Variants in ATF7IP2 observed in about 807,000 individuals in gnomAD.
The protein encoded by ATF7IP2 is activating transcription factor 7-interacting protein 2.
Under a neutral mutation model 64.2 loss-of-function variants are expected in ATF7IP2, and 42 were observed. The ratio of observed to expected loss-of-function variants is 0.65; its 90% CI spans 0.51 to 0.85. The LOEUF is 0.85. Among genes scored for constraint, ATF7IP2 ranks in the 40% least tolerant of loss-of-function variants. The probability of loss-of-function intolerance (pLI) is 0.00; values close to 1 mark genes in which losing one functional copy is unlikely to be tolerated. For missense variants in ATF7IP2, 933 were observed against 784.2 expected (o/e 1.19, Z -2.27); for synonymous variants, 308 against 272.8 (o/e 1.13, Z -1.27).
chr16:10,430,480 A>G, intron 4 of ATF7IP2, 131 bp from the exon 5 acceptor site: 1 of 580,986 alleles, frequency 1.7e-6, no homozygotes, highest in African/African-American at 1.9e-5. Context: ...ATTTTCAGTA[A>G]GGTGATTATC....
chr16:10,465,456 A>G (rs1472499868), intron 9 of ATF7IP2, among the ~76,000 whole-genome samples: 1 of 151,972 alleles, frequency 6.6e-6, no homozygotes, highest in Non-Finnish European at 1.5e-5. Context: ...GTTCATTAAA[A>G]AAGAGCTGGG....
intron 8 of ATF7IP2, among the ~76,000 whole-genome samples, chr16:10,441,337 C>T (rs1398296960): frequency 6.6e-6 from 1 of 152,162 alleles, no homozygotes; most frequent in African/African-American, 2.4e-5. Flanking sequence ...CACTGTCTTC[C>T]ACAATGGTTG....
intron 1 of ATF7IP2, among the ~76,000 whole-genome samples, chr16:10,405,597 C>T (rs912051505): frequency 6.6e-6 from 1 of 152,130 alleles, no homozygotes; most frequent in South Asian, 2.1e-4. Context: ...TGGACAAAGG[C>T]CCAAGGAACA....
intron 4 of ATF7IP2, 78 bp downstream of exon 4, chr16:10,429,094 C>T (rs1276154982): frequency 6.6e-6 from 1 of 152,142 alleles, no homozygotes; most frequent in East Asian, 1.9e-4. Context: ...AAAACTGTAG[C>T]AGTGTCTTCA....
At chr16:10,405,474 C>T (rs7184236) in intron 1 of ATF7IP2, among the ~76,000 whole-genome samples, 86,180 of 152,028 alleles carry the variant, frequency 0.57, 24,474 homozygotes, top group East Asian at 0.68. Context: ...GTTTTGTAAG[C>T]CCCCCACCAT....
At chr16:10,414,756 A>G (rs2047838336) in intron 2 of ATF7IP2, 144 bp downstream of exon 2, 1 of 151,912 alleles carries the variant, frequency 6.6e-6, no homozygotes, top group African/African-American at 2.4e-5. Context: ...AGGCTCTGTC[A>G]GAGGAAAGGT....
At chr16:10,450,267 G>A (rs945810258) in intron 8 of ATF7IP2, among the ~76,000 whole-genome samples, 2 of 152,196 alleles carry the variant, frequency 1.3e-5, no homozygotes, top group Non-Finnish European at 2.9e-5. Flanking sequence ...AGTATGATGA[G>A]GTGCTGAGAA....
intron 5 of ATF7IP2, among the ~76,000 whole-genome samples, chr16:10,433,108 A>T (rs1335159912): frequency 6.6e-6 from 1 of 152,138 alleles, no homozygotes; most frequent in Non-Finnish European, 1.5e-5. Flanking sequence ...TGTTCTAAAA[A>T]ATGCTGCAGT....
intron 6 of ATF7IP2, among the ~76,000 whole-genome samples, chr16:10,437,354 C>T (rs1432500967): frequency 6.6e-6 from 1 of 152,174 alleles, no homozygotes. Context: ...CTCTAACTAG[C>T]TGAGCTAACC....
At chr16:10,470,746 A>G (rs7194511) in intron 9 of ATF7IP2, among the ~76,000 whole-genome samples, 119,700 of 151,528 alleles carry the variant, frequency 0.79, 48,081 homozygotes, top group African/African-American at 0.94. Flanking sequence ...TTGCACCACT[A>G]CACTCCAGCC....
intron 12 of ATF7IP2, among the ~76,000 whole-genome samples, chr16:10,477,253 C>A (rs1188091666): frequency 1.3e-5 from 2 of 152,138 alleles, no homozygotes; most frequent in Admixed American, 1.3e-4. Flanking sequence ...CAAGAAAAAG[C>A]AACCCCATTA....
At position 10,473,467 on chromosome 16, in the gene ATF7IP2, A is replaced by T. The variant is rs138534379; in HGVS notation, c.1427-12A>T. 2 of 1,524,276 alleles carry T rather than the reference A, an allele frequency of 1.3e-6. No homozygotes were observed. The highest frequency in any genetic ancestry group is 4.6e-5 in the East Asian group (2 of 43,938). 94.4% of individuals were successfully genotyped at this position (1,524,276 alleles called of 1,614,324 possible). A position where few individuals can be genotyped will look rare whatever the true frequency, so the allele number is the denominator to read the frequency against. ...TGTGTAATAAATTTGTCAAATGTCT[A>T]ATTTCTTTCAGATACCAGAAAAATT... On this transcript the variant is annotated splice_polypyrimidine_tract_variant and intron_variant, in intron 10 of 13. Coordinates refer to ENST00000562102, the MANE Select transcript of ATF7IP2 (RefSeq NM_001393719.1).
chr16:10,405,416 G>C (rs963850030), intron 1 of ATF7IP2, among the ~76,000 whole-genome samples: 2 of 152,034 alleles, frequency 1.3e-5, no homozygotes, highest in Non-Finnish European at 2.9e-5. Flanking sequence ...ACACCTGGAA[G>C]GGGCAGAGCA....
At chr16:10,405,395 T>C (rs1207103221) in intron 1 of ATF7IP2, among the ~76,000 whole-genome samples, 1 of 151,910 alleles carries the variant, frequency 6.6e-6, no homozygotes, top group East Asian at 1.9e-4. Context: ...TTAATATTCA[T>C]TATCGTGAAG....
At chr16:10,428,698 G>T (rs567274932) in intron 3 of ATF7IP2, among the ~76,000 whole-genome samples, 170 bp from the exon 4 acceptor site, 195 of 152,240 alleles carry the variant, frequency 1.3e-3, no homozygotes, top group African/African-American at 4.5e-3. Context: ...GCAAATTATG[G>T]AACCAGAAGG....
chr16:10,392,791 C>G (rs1263344903), intron 1 of ATF7IP2, among the ~76,000 whole-genome samples: 1 of 151,160 alleles, frequency 6.6e-6, no homozygotes, highest in Non-Finnish European at 1.5e-5. Context: ...GAGTTGAAGA[C>G]CAGCCTGGGC....
intron 9 of ATF7IP2, among the ~76,000 whole-genome samples, chr16:10,470,166 ACACT>A (rs1318331519): frequency 2.0e-5 from 3 of 152,316 alleles, no homozygotes; most frequent in African/African-American, 2.4e-5. Flanking sequence ...TACACACAAC[ACACT>A]CTATATAGAA....
chr16:10,420,510 C>T (rs1345909486), intron 3 of ATF7IP2, among the ~76,000 whole-genome samples: 1 of 152,144 alleles, frequency 6.6e-6, no homozygotes, highest in Non-Finnish European at 1.5e-5. Context: ...CGTTTGAGAC[C>T]AGAGGCATTA....
At chr16:10,473,564 G>GTTTA in intron 11 of ATF7IP2, 30 bp downstream of exon 11, 1 of 1,433,206 alleles carries the variant, frequency 7.0e-7, no homozygotes, top group Admixed American at 2.0e-5. Flanking sequence ...TCTGAATATT[G>GTTTA]TTTATTTAAA....
Sources: allele counts gnomAD v4.1 joint callset (sites outside exome capture counted in the v4.1 genomes callset), GRCh38; gene constraint gnomAD v4.1.1; transcripts MANE v1.5; gene names NCBI Gene and HGNC (gene_info 2026-07-23, HGNC 2026-07-21).